The following PCM1 variants were observed in gnomAD, a reference collection of about 807,000 sequenced individuals.
The protein encoded by PCM1 is pericentriolar material 1 protein.
In PCM1, 157 loss-of-function variants were observed where a neutral mutation model predicts 241.9. That is an observed-to-expected ratio of 0.65 (90% confidence interval 0.57 to 0.74). PCM1 has a LOEUF of 0.74. PCM1 is among the 30% of genes least tolerant of loss of function. The pLI is 0.00. For synonymous variants in PCM1, 1,085 were observed against 784.9 expected, an observed-to-expected ratio of 1.38 and a Z score of -6.39; for missense variants, 3,478 against 2,360.1, an observed-to-expected ratio of 1.47 and a Z score of -9.81.
chr8:18,019,063 C>G (rs945494911), intron 36 of PCM1, among the ~76,000 whole-genome samples: 1 of 151,712 alleles, frequency 6.6e-6, no homozygotes, highest in Non-Finnish European at 1.5e-5. Flanking sequence ...ACAGTGTAAT[C>G]TTTCTTTCCT....
At position 17,937,302 on chromosome 8, in the gene PCM1, A is replaced by G. The variant is rs1203078527; in HGVS notation, c.265A>G (p.Met89Val). 3 of 1,609,334 alleles carry G rather than the reference A, an allele frequency of 1.9e-6. No homozygotes were observed. Among genetic ancestry groups the G allele is most frequent in the East Asian group, 2.2e-5 (1 of 44,840 alleles). The change falls in exon 4 of 39, where the codon ATG becomes GTG. Residue 89 changes from methionine to valine, a missense_variant. Coordinates refer to ENST00000325083, the MANE Select transcript of PCM1 (RefSeq NM_006197.4). ...TPHTFPHSRYMSQMSVPEQAE... is the reference protein window; with the variant it reads ...TPHTFPHSRYVSQMSVPEQAE... ...ACATACGTTCCCACACAGTAGATAC[A>G]TGAGTCAGATGTCTGTCCCAGAGCA...
intron 23 of PCM1, among the ~76,000 whole-genome samples, chr8:17,978,146 G>C (rs1324763605): frequency 2.0e-5 from 3 of 152,100 alleles, no homozygotes; most frequent in Non-Finnish European, 2.9e-5. Context: ...ATTTAAAAAA[G>C]AGGACACGTG....
intron 17 of PCM1, 120 bp from the exon 18 acceptor site, chr8:17,964,448 A>C: frequency 1.5e-6 from 1 of 685,628 alleles, no homozygotes; most frequent in East Asian, 2.7e-5. Context: ...TTGTGATTAA[A>C]TGAAATTTTA....
intron 6 of PCM1, chr8:17,940,100 C>G: frequency 6.3e-7 from 1 of 1,579,778 alleles, no homozygotes; most frequent in Non-Finnish European, 8.5e-7. Flanking sequence ...GGATCTGGTT[C>G]TGTAGCTGAG....
chr8:17,958,439 A>T (rs867119667), intron 13 of PCM1, among the ~76,000 whole-genome samples: 1 of 152,178 alleles, frequency 6.6e-6, no homozygotes, highest in African/African-American at 2.4e-5. Flanking sequence ...TTGTATATTT[A>T]TACAAATGTA....
chr8:18,007,020 G>T (rs1426853052), intron 30 of PCM1, among the ~76,000 whole-genome samples: 3 of 152,198 alleles, frequency 2.0e-5, no homozygotes, highest in South Asian at 2.1e-4. Flanking sequence ...CCATAGCAAA[G>T]TATTATCTGG....
intron 26 of PCM1, among the ~76,000 whole-genome samples, chr8:17,988,367 G>C (rs1210631079): frequency 6.6e-6 from 1 of 151,836 alleles, no homozygotes; most frequent in African/African-American, 2.4e-5. Flanking sequence ...CAAAGTGTAA[G>C]TGAGACACCC....
At position 18,027,685 on chromosome 8, in the gene PCM1, ACT is replaced by A; in HGVS notation, c.*26_*27del. The A allele has an allele frequency of 6.4e-7, 1 of 1,558,276 alleles. No individual in the cohort carries two copies. Among genetic ancestry groups the A allele is most frequent in the South Asian group, 1.2e-5 (1 of 86,022 alleles). On this transcript the variant is annotated 3_prime_UTR_variant, in exon 39 of 39. Coordinates refer to ENST00000325083, the MANE Select transcript of PCM1 (RefSeq NM_006197.4). ...TGAGATGTCTTCAGAGGCTCATCTA[ACT>A]CTGTCCTTACATACTCAATGCATAT...
intron 2 of PCM1, among the ~76,000 whole-genome samples, chr8:17,928,540 CAAT>C (rs1290936062): frequency 4.7e-4 from 71 of 152,014 alleles, no homozygotes; most frequent in African/African-American, 1.7e-3. Flanking sequence ...CTCTAGACCC[CAAT>C]GGCCCCCGCT....
intron 13 of PCM1, among the ~76,000 whole-genome samples, chr8:17,958,408 A>C (rs2069760154): frequency 6.6e-6 from 1 of 152,224 alleles, no homozygotes; most frequent in African/African-American, 2.4e-5. Flanking sequence ...TTATAGTTAC[A>C]CAATTAACTA....
chr8:17,982,931 G>A (rs973659224), intron 24 of PCM1, among the ~76,000 whole-genome samples: 3 of 152,228 alleles, frequency 2.0e-5, no homozygotes, highest in Admixed American at 6.5e-5. Flanking sequence ...ATTAAATTAC[G>A]CAGTCTTCTT....
chr8:18,009,848 T>G, intron 31 of PCM1, 104 bp downstream of exon 31: 1 of 652,634 alleles, frequency 1.5e-6, no homozygotes, highest in Non-Finnish European at 2.4e-6. Context: ...AAAGTAGTTG[T>G]TTTTAGTAAT....
chr8:17,973,376 A>T (rs1040841210), intron 23 of PCM1, among the ~76,000 whole-genome samples: 1 of 152,138 alleles, frequency 6.6e-6, no homozygotes, highest in African/African-American at 2.4e-5. Context: ...ATGTTTGCAA[A>T]GGATGGGCTA....
chr8:17,923,753 C>G (rs931605714), intron 1 of PCM1, among the ~76,000 whole-genome samples: 2 of 151,966 alleles, frequency 1.3e-5, no homozygotes, highest in African/African-American at 4.8e-5. Context: ...GCCGATGGGC[C>G]GGGGGAGGCG....
intron 2 of PCM1, among the ~76,000 whole-genome samples, chr8:17,929,761 C>G (rs1383743919): frequency 1.3e-5 from 2 of 152,144 alleles, no homozygotes; most frequent in African/African-American, 4.8e-5. Flanking sequence ...TGGGTAGTAC[C>G]AAACTCTATG....
At chr8:17,977,684 A>G (rs957944921) in intron 23 of PCM1, among the ~76,000 whole-genome samples, 2 of 152,120 alleles carry the variant, frequency 1.3e-5, no homozygotes, top group African/African-American at 4.8e-5. Flanking sequence ...GTTATTGAGT[A>G]AGTAGGTGGC....
At position 17,938,759 on chromosome 8, in the gene PCM1, C is replaced by G; in HGVS notation, c.362C>G (p.Ser121Cys). 6.2e-7 allele frequency: 1 copy of G among 1,611,058 alleles called. No homozygotes were observed. Among genetic ancestry groups the G allele is most frequent in the Non-Finnish European group, 8.5e-7 (1 of 1,177,258 alleles). ...DLDQRSIGSD[S>C]QGRATAANNK... The stretch of plus-strand genomic sequence containing the variant: ...ATATAGAGAAGCATTGGAAGTGATT[C>G]CCAAGGTAGAGCAACAGCTGCTAAC... The change falls in exon 5 of 39, where the codon TCC becomes TGC. Residue 121 changes from serine to cysteine, a missense_variant. Physicochemically the swap from Ser to Cys is moderately radical, Grantham distance 112. Coordinates refer to ENST00000325083, the MANE Select transcript of PCM1 (RefSeq NM_006197.4).
intron 13 of PCM1, among the ~76,000 whole-genome samples, 187 bp from the exon 14 acceptor site, chr8:17,959,825 CAT>C (rs1477543229): frequency 2.6e-5 from 4 of 152,146 alleles, no homozygotes; most frequent in African/African-American, 4.8e-5. Flanking sequence ...GTGAGATAAA[CAT>C]GTATGCAAAT....
At chr8:17,942,256 C>G (rs1487204680) in intron 6 of PCM1, among the ~76,000 whole-genome samples, 2 of 152,100 alleles carry the variant, frequency 1.3e-5, no homozygotes, top group African/African-American at 4.8e-5. Context: ...CACCTGAGGT[C>G]AGGGGTTTGG....
Sources: allele counts gnomAD v4.1 joint callset (sites outside exome capture counted in the v4.1 genomes callset), GRCh38; gene constraint gnomAD v4.1.1; transcripts MANE v1.5; gene names NCBI Gene and HGNC (gene_info 2026-07-23, HGNC 2026-07-21).